The following CDKL2 variants were observed in gnomAD, a reference collection of about 807,000 sequenced individuals.
CDKL2 encodes the protein cyclin dependent kinase like 2.
In CDKL2, 64 loss-of-function variants were observed where a neutral mutation model predicts 63.9. The ratio of observed to expected loss-of-function variants is 1.00; its 90% CI spans 0.82 to 1.23. The LOEUF is 1.23. CDKL2 is among the 50% of genes most tolerant of loss of function. The probability of loss-of-function intolerance (pLI) is 0.00; values close to 1 mark genes in which losing one functional copy is unlikely to be tolerated. For missense variants in CDKL2, 656 were observed against 668.0 expected, an observed-to-expected ratio of 0.98 and a Z score of 0.20; for synonymous variants, 211 against 229.2, an observed-to-expected ratio of 0.92 and a Z score of 0.72.
Position 75,607,346 on chromosome 4 carries a change from T to C in CDKL2, c.379A>G (p.Ile127Val), listed in dbSNP as rs754874648. ...GAGACTAATATATTCTCTGGCTTTA[T>C]ATCTCTGTGTATGATCTAGACAAGA... ...CHSHNIIHRD[I>V]KPENILVSQS... The change falls in exon 4 of 14, where the codon ATA (isoleucine) becomes GTA (valine). Residue 127 changes from isoleucine (I) to valine (V), a missense_variant. Ile to Val is a conservative substitution (Grantham distance 29). Transcript: ENST00000307465. The C allele has an allele frequency of 1.9e-6, 3 of 1,613,002 alleles. No individual in the cohort carries two copies. Among genetic ancestry groups the C allele is most frequent in the African/African-American group, 2.7e-5 (2 of 74,892 alleles).
chr4:75,616,643 T>A (rs1300372122), intron 2 of CDKL2, among the ~76,000 whole-genome samples: 1 of 145,106 alleles, frequency 6.9e-6, no homozygotes, highest in African/African-American at 2.6e-5. Flanking sequence ...GAAGTTGCAG[T>A]GAGCTAAGAT....
At chr4:75,603,051 C>T (rs1357925586) in intron 6 of CDKL2, among the ~76,000 whole-genome samples, 1 of 130,702 alleles carries the variant, frequency 7.7e-6, no homozygotes. Context: ...GGACTGCGGA[C>T]TGCAGTGGCA....
At chr4:75,583,929 G>A (rs978973345) in intron 12 of CDKL2, among the ~76,000 whole-genome samples, 1 of 152,086 alleles carries the variant, frequency 6.6e-6, no homozygotes, top group Admixed American at 6.6e-5. Context: ...ATAAAAAGAT[G>A]GGACTAGATT....
intron 10 of CDKL2, among the ~76,000 whole-genome samples, chr4:75,595,909 A>T (rs1410543773): frequency 1.3e-5 from 2 of 151,446 alleles, no homozygotes; most frequent in Non-Finnish European, 2.9e-5. Context: ...AGCCTGGGCA[A>T]CAGAGCAAGA....
intron 3 of CDKL2, among the ~76,000 whole-genome samples, chr4:75,610,484 C>T (rs1221198153): frequency 6.6e-6 from 1 of 152,002 alleles, no homozygotes; most frequent in Non-Finnish European, 1.5e-5. Flanking sequence ...AGAGAAAGTA[C>T]TATGAAAAGG....
chr4:75,605,340 C>T (rs768621180), intron 5 of CDKL2, among the ~76,000 whole-genome samples, 182 bp downstream of exon 5: 9 of 146,950 alleles, frequency 6.1e-5, no homozygotes, highest in Non-Finnish European at 1.0e-4. Flanking sequence ...GCAAGGAGAG[C>T]GAAACTCCAT....
At chr4:75,594,260 C>T (rs1317353370) in intron 10 of CDKL2, among the ~76,000 whole-genome samples, 10 of 151,842 alleles carry the variant, frequency 6.6e-5, no homozygotes, top group African/African-American at 2.2e-4. Context: ...CCAGCCTGGC[C>T]GACATGGAGA....
At chr4:75,614,923 GTA>G (rs374479098) in intron 2 of CDKL2, among the ~76,000 whole-genome samples, 8 of 146,644 alleles carry the variant, frequency 5.5e-5, no homozygotes, top group African/African-American at 1.2e-4. Context: ...CATATATATA[GTA>G]TATATATATA....
chr4:75,620,678 A>G lies in CDKL2; in HGVS notation c.168+5143T>C, dbSNP rs549622028. 1.5e-3 allele frequency among the ~76,000 whole-genome samples: 228 copies of G among 152,346 alleles called. 1 individual carries two copies. Among genetic ancestry groups the G allele is most frequent in the African/African-American group, 5.4e-3 (223 of 41,586 alleles). On this transcript the variant is annotated intron_variant, in intron 2 of 13. Transcript: ENST00000307465. Reference sequence around the variant, plus strand: ...TTAGGGCCAAATTTTTTTTAACCCAAGAAACATATGCCACTTTAGAGGGAA... The same window carrying G: ...TTAGGGCCAAATTTTTTTTAACCCAGGAAACATATGCCACTTTAGAGGGAA...
rs1248161342 is a variant in CDKL2 at position 75,592,230 on chromosome 4, T to C, written c.1456A>G (p.Arg486Gly). 3.9e-6 allele frequency: 6 copies of C among 1,534,328 alleles called. No homozygotes were observed. The Admixed American group carries it at 5.9e-5, about 15-fold the overall frequency. ...ACATCTGTCCTGGAGTATTCTCTTC[T>C]TTTCTTACTTGCCCAAAAGAGGTTT... ...EKNLFWASKK[R>G]REYSRTDVRL... is the part of the protein sequence containing the mutation. Residue 486 changes from arginine to glycine, a missense_variant, in exon 11 of 14, where the codon AGA (arginine) becomes GGA (glycine). Coordinates refer to ENST00000307465, the MANE Select transcript of CDKL2 (RefSeq NM_001330724.2).
At chr4:75,622,678 A>C (rs13148157) in intron 2 of CDKL2, among the ~76,000 whole-genome samples, 34,115 of 128,428 alleles carry the variant, frequency 0.27, 4,451 homozygotes, top group Middle Eastern at 0.43. Flanking sequence ...AGATTGCACC[A>C]CTGTACTCCA....
intron 1 of CDKL2, among the ~76,000 whole-genome samples, chr4:75,627,170 T>A (rs1348214901): frequency 6.6e-6 from 1 of 150,604 alleles, no homozygotes; most frequent in African/African-American, 2.5e-5. Flanking sequence ...ACTATTGCAC[T>A]CCAGCCTGGG....
rs1728278622 is a variant in CDKL2, at chr4:75,581,882, A to G, written c.1664T>C (p.Leu555Pro). The G allele has an allele frequency of 6.2e-7, 1 of 1,612,138 alleles. No homozygotes were observed. The highest frequency in any genetic ancestry group is 1.7e-4 in the Middle Eastern group (1 of 6,050). Residue 555 changes from leucine (L) to proline (P), a missense_variant, in exon 13 of 14, where the codon CTG becomes CCG. By Grantham distance (98) the Leu-to-Pro change is moderately conservative (BLOSUM62 -3). Transcript: ENST00000307465. ...CAAATCAGCCCCTGAATCATCTGACAGGGGAGGTCCTGATACCTATAAATT... is the reference window on the plus strand; with the variant it reads ...CAAATCAGCCCCTGAATCATCTGACGGGGGAGGTCCTGATACCTATAAATT... ...ITLHQVSGPP[L>P]SDDSGADLPQ...
chr4:75,610,788 T>C (rs1729653673), intron 3 of CDKL2, among the ~76,000 whole-genome samples: 1 of 152,186 alleles, frequency 6.6e-6, no homozygotes, highest in South Asian at 2.1e-4. Flanking sequence ...TTTCTTAAAG[T>C]CAAGCATCTC....
intron 3 of CDKL2, among the ~76,000 whole-genome samples, chr4:75,609,295 T>C (rs548797766): frequency 2.2e-4 from 33 of 152,030 alleles, no homozygotes; most frequent in Non-Finnish European, 4.4e-4. Context: ...TAAAACAGGA[T>C]GCTGATATTC....
intron 2 of CDKL2, among the ~76,000 whole-genome samples, chr4:75,622,371 T>C (rs947696922): frequency 3.3e-5 from 5 of 152,102 alleles, no homozygotes; most frequent in Admixed American, 2.6e-4. Context: ...AAAAAGTATA[T>C]ATCATATAAA....
intron 12 of CDKL2, among the ~76,000 whole-genome samples, chr4:75,582,300 T>C (rs969302094): frequency 6.6e-6 from 1 of 152,138 alleles, no homozygotes; most frequent in Non-Finnish European, 1.5e-5. Flanking sequence ...TTGAAATGAA[T>C]GAAGGGATAG....
intron 9 of CDKL2, 143 bp downstream of exon 9, chr4:75,596,792 A>C: frequency 1.4e-6 from 1 of 698,854 alleles, no homozygotes; most frequent in South Asian, 2.0e-5. Flanking sequence ...CACAGCCAAA[A>C]AGTCTTTTGA....
intron 5 of CDKL2, among the ~76,000 whole-genome samples, chr4:75,604,494 T>C (rs1392446957): frequency 2.6e-5 from 4 of 152,224 alleles, no homozygotes; most frequent in Admixed American, 2.6e-4. Context: ...CCCCAAGTAT[T>C]TTCCCATTAT....
Sources: gnomAD v4.1 joint callset for allele counts (sites outside exome capture counted in the v4.1 genomes callset) on GRCh38, gnomAD v4.1.1 for gene constraint, MANE v1.5 for transcripts, NCBI Gene and HGNC (gene_info 2026-07-23, HGNC 2026-07-21) for gene names.